Variants in CIT observed in about 807,000 individuals in gnomAD.
The protein encoded by CIT is citron Rho-interacting kinase.
A neutral mutation model predicts 272.7 loss-of-function variants in CIT; 79 were observed. That is an observed-to-expected ratio of 0.29 (90% CI 0.24 to 0.35). CIT has a LOEUF of 0.35. Ranked by LOEUF, CIT falls within the 10% of genes least tolerant of loss-of-function variation. The probability of loss-of-function intolerance (pLI) is 1.00; values close to 1 mark genes in which losing one functional copy is unlikely to be tolerated. For missense variants in CIT, 1,909 were observed against 2,618.3 expected, an observed-to-expected ratio of 0.73 and a Z score of 5.91; for synonymous variants, 948 against 995.6, an observed-to-expected ratio of 0.95 and a Z score of 0.90.
intron 9 of CIT, among the ~76,000 whole-genome samples, chr12:119,814,623 A>G (rs1966970325): frequency 6.6e-6 from 1 of 152,216 alleles, no homozygotes; most frequent in South Asian, 2.1e-4. Flanking sequence ...ACAGAGAAGC[A>G]TATCTATGAT....
intron 5 of CIT, among the ~76,000 whole-genome samples, chr12:119,847,860 C>T (rs867220282): frequency 2.0e-5 from 3 of 152,154 alleles, no homozygotes; most frequent in Non-Finnish European, 4.4e-5. Context: ...CATTGCACTC[C>T]AGCCTGGGTA....
Position 119,708,327 on chromosome 12 carries a change from G to GA in CIT, c.5072-10dup. On this transcript the variant is annotated splice_polypyrimidine_tract_variant and intron_variant, in intron 39 of 47. Coordinates refer to ENST00000392521, the MANE Select transcript of CIT (RefSeq NM_001206999.2). ...CAGTGCCCGCTCTTCTCCTGAACAGGAAAAGGAACAACCTCTCGTCAGTGT... is the reference window on the plus strand; with the variant it reads ...CAGTGCCCGCTCTTCTCCTGAACAGGAAAAAGGAACAACCTCTCGTCAGTGT... 7.6e-6 allele frequency: 12 copies of GA among 1,572,582 alleles called. No homozygotes were observed. The highest frequency in any genetic ancestry group is 1.0e-5 in the Non-Finnish European group (12 of 1,158,474).
intron 9 of CIT, among the ~76,000 whole-genome samples, chr12:119,820,925 A>G (rs750277701): frequency 5.9e-5 from 9 of 152,186 alleles, no homozygotes; most frequent in Admixed American, 1.3e-4. Context: ...AGCCGTGATC[A>G]CACCACTGCA....
At chr12:119,738,069 A>G (rs1243377087) in intron 24 of CIT, among the ~76,000 whole-genome samples, 1 of 152,214 alleles carries the variant, frequency 6.6e-6, no homozygotes, top group Admixed American at 6.5e-5. Context: ...TCTATTTTAT[A>G]GATGGGGAAA....
intron 13 of CIT, among the ~76,000 whole-genome samples, chr12:119,780,936 G>A (rs1042471131): frequency 2.6e-5 from 4 of 152,030 alleles, no homozygotes; most frequent in Non-Finnish European, 4.4e-5. Flanking sequence ...CTTTGAACTC[G>A]GCCACCAACA....
intron 9 of CIT, among the ~76,000 whole-genome samples, chr12:119,810,355 G>C (rs1266320913): frequency 6.6e-6 from 1 of 152,154 alleles, no homozygotes; most frequent in Non-Finnish European, 1.5e-5. Flanking sequence ...GTTATGGTGT[G>C]AGAGTGGAGG....
At chr12:119,826,057 C>G (rs1194570854) in intron 7 of CIT, among the ~76,000 whole-genome samples, 1 of 151,976 alleles carries the variant, frequency 6.6e-6, no homozygotes, top group African/African-American at 2.4e-5. Flanking sequence ...GACAGCGAGA[C>G]TGTAAGAAAA....
chr12:119,691,003 C>G (rs888394148), intron 46 of CIT, among the ~76,000 whole-genome samples: 1 of 152,088 alleles, frequency 6.6e-6, no homozygotes, highest in Admixed American at 6.6e-5. Context: ...GAAACCCCGT[C>G]TCTACTAAAA....
At position 119,752,266 on chromosome 12, in the gene CIT, G is replaced by C. The variant is rs771321640; in HGVS notation, c.2707-19C>G. 1.9e-6 allele frequency: 3 copies of C among 1,580,094 alleles called. No individual in the cohort carries two copies. The highest frequency in any genetic ancestry group is 2.3e-5 in the East Asian group (1 of 44,312). On this transcript the variant is annotated intron_variant, in intron 22 of 47. Coordinates refer to ENST00000392521, the MANE Select transcript of CIT (RefSeq NM_001206999.2). ...GACTGACCTGAGACAGAGAGAGAGAGAGAAAGAGAGATAAACCCTTGCTTG... is the reference window on the plus strand; with the variant it reads ...GACTGACCTGAGACAGAGAGAGAGACAGAAAGAGAGATAAACCCTTGCTTG...
rs1047301478 is a variant in CIT, at chr12:119,729,042, A to C, written c.3487-436T>G. 1.3e-5 allele frequency among the ~76,000 whole-genome samples: 2 copies of C among 152,246 alleles called. 1 individual carries two copies. Among genetic ancestry groups the C allele is most frequent in the South Asian group, 4.1e-4 (2 of 4,832 alleles). ...CAAATAATGACTGCTCTGTCAGCTT[A>C]TAAGTTTGATAAGAAAGGCTTGGGA... On this transcript the variant is annotated intron_variant, in intron 27 of 47. Coordinates refer to ENST00000392521, the MANE Select transcript of CIT (RefSeq NM_001206999.2).
chr12:119,746,230 T>C lies in CIT; in HGVS notation c.2905-3766A>G, dbSNP rs573097348. On this transcript the variant is annotated intron_variant, in intron 23 of 47. Coordinates refer to ENST00000392521, the MANE Select transcript of CIT (RefSeq NM_001206999.2). ...GAATCGGCAAATTTTTTCCTTAAAA[T>C]GCCAGATAAGGAAATTTCCTTAAAA... is the stretch of plus-strand genomic sequence containing the variant. Among the ~76,000 whole-genome samples, 55 of 152,318 alleles carry C rather than the reference T, an allele frequency of 3.6e-4. 2 individuals carry two copies. Among genetic ancestry groups the C allele is most frequent in the Admixed American group, 2.9e-3 (44 of 15,298 alleles).
chr12:119,824,325 C>T (rs1967990669), intron 8 of CIT, among the ~76,000 whole-genome samples: 3 of 151,984 alleles, frequency 2.0e-5, no homozygotes, highest in Non-Finnish European at 2.9e-5. Context: ...TTGGTTTCCT[C>T]ATCTATAAAT....
chr12:119,729,442 C>T (rs1460837960), intron 27 of CIT, among the ~76,000 whole-genome samples: 1 of 150,634 alleles, frequency 6.6e-6, no homozygotes, highest in Non-Finnish European at 1.5e-5. Flanking sequence ...ATTTCCAATA[C>T]AAGTATAATG....
intron 5 of CIT, among the ~76,000 whole-genome samples, chr12:119,836,098 C>A (rs1968985778): frequency 6.6e-6 from 1 of 151,900 alleles, no homozygotes; most frequent in South Asian, 2.1e-4. Flanking sequence ...ACCACCCTGG[C>A]CAACATGGTG....
chr12:119,771,825 G>A (rs1335669071), intron 17 of CIT, among the ~76,000 whole-genome samples: 3 of 152,134 alleles, frequency 2.0e-5, no homozygotes, highest in African/African-American at 7.2e-5. Context: ...TTTATAGGAT[G>A]GAGGGACTCA....
chr12:119,804,444 C>T lies in CIT; in HGVS notation c.1112-1055G>A. On this transcript the variant is annotated intron_variant, in intron 9 of 47. Coordinates refer to ENST00000392521, the MANE Select transcript of CIT (RefSeq NM_001206999.2). The surrounding 1 kb of genome is among the most constrained non-coding windows in gnomAD (Gnocchi z 5.3). ...CCGTGCGTGCGTGCTCTGGCTGGAA[C>T]CCCACCTGGCTGCCGCCTGCCTGCC... is the stretch of plus-strand genomic sequence containing the variant. 1.0e-6 allele frequency: 1 copy of T among 985,816 alleles called. No individual in the cohort carries two copies. Among genetic ancestry groups the T allele is most frequent in the African/African-American group, 1.7e-5 (1 of 57,386 alleles). 61.1% of individuals were successfully genotyped at this position (985,816 alleles called of 1,614,324 possible). A position where few individuals can be genotyped will look rare whatever the true frequency, so the allele number is the denominator to read the frequency against.
chr12:119,705,075 G>C (rs967762838), intron 40 of CIT, among the ~76,000 whole-genome samples: 1 of 152,048 alleles, frequency 6.6e-6, no homozygotes, highest in African/African-American at 2.4e-5. Context: ...ACCATGCCTG[G>C]CCAATTTTTG....
intron 26 of CIT, among the ~76,000 whole-genome samples, chr12:119,731,014 C>T (rs907685177): frequency 5.3e-5 from 8 of 152,052 alleles, no homozygotes; most frequent in Admixed American, 5.2e-4. Context: ...CTAAACCCAG[C>T]TACTCGGGAG....
At chr12:119,846,596 A>C (rs1969820334) in intron 5 of CIT, among the ~76,000 whole-genome samples, 1 of 152,188 alleles carries the variant, frequency 6.6e-6, no homozygotes, top group African/African-American at 2.4e-5. Context: ...CCTCCTGTAG[A>C]GCTCGAATTA....
Sources: gnomAD v4.1 joint callset for allele counts (sites outside exome capture counted in the v4.1 genomes callset) on GRCh38, gnomAD v4.1.1 for gene constraint, Gnocchi (gnomAD v3.1) non-coding constraint, MANE v1.5 for transcripts, NCBI Gene and HGNC (gene_info 2026-07-23, HGNC 2026-07-21) for gene names.